ABCA6: variants seen among roughly 807,000 people sequenced by gnomAD.
The protein encoded by ABCA6 is ATP-binding cassette sub-family A member 6.
ABCA6 carries 164 observed loss-of-function variants against 191.2 expected under a neutral mutation model. That is an observed-to-expected ratio of 0.86 (90% CI 0.76 to 0.98). The LOEUF (loss-of-function observed/expected upper bound fraction) is 0.98. Ranked by LOEUF, ABCA6 falls within the 50% of genes least tolerant of loss-of-function variation. The pLI is 0.00. For missense variants in ABCA6, 1,958 were observed against 1,894.1 expected (o/e 1.03, Z -0.63); for synonymous variants, 636 against 647.7 (o/e 0.98, Z 0.27).
Position 69,106,112 on chromosome 17 carries a change from A to G in ABCA6, c.2489T>C (p.Met830Thr), listed in dbSNP as rs754908845. 3 of 1,613,948 alleles carry G rather than the reference A, an allele frequency of 1.9e-6. No individual in the cohort carries two copies. The highest frequency in any genetic ancestry group is 2.5e-6 in the Non-Finnish European group (3 of 1,179,890). Residue 830 changes from methionine to threonine, a missense_variant, in exon 19 of 39, where the codon ATG becomes ACG. Met to Thr is a moderately conservative substitution (Grantham distance 81, BLOSUM62 -1). Transcript: ENST00000284425. ...FSEMQTAVSD[M>T]GLWRMQVFAM... The stretch of plus-strand genomic sequence containing the variant: ...AAAGACTTGCATTCTCCAGAGGCCC[A>G]TGTCACTCACAGCTGTCTGCATTTC...
chr17:69,141,640 T>C (rs1418951617), intron 1 of ABCA6, 105 bp downstream of exon 1: 2 of 152,066 alleles, frequency 1.3e-5, no homozygotes, highest in African/African-American at 4.8e-5. Context: ...CTTAGGTCTT[T>C]AACATAAAAC....
rs1598436948 is a variant in ABCA6, at chr17:69,080,987, C to T, written c.4696+79G>A. The T allele has an allele frequency of 1.4e-5, 13 of 898,550 alleles. No homozygotes were observed. The South Asian group carries it at 2.5e-4, about 17-fold the overall frequency. The allele number at this position is 898,550 out of a possible 1,614,324, so 55.7% of individuals were successfully genotyped here. A position where few individuals can be genotyped will look rare whatever the true frequency, so the allele number is the denominator to read the frequency against. ...ACAGCCCTATTTTAAAAAATTGTTA[C>T]ACAATTAGCTTCCATTAAATTATTA... On this transcript the variant is annotated intron_variant, in intron 37 of 38. Transcript: ENST00000284425.
At chr17:69,079,795 A>T (rs1325141983) in intron 37 of ABCA6, among the ~76,000 whole-genome samples, 2 of 152,254 alleles carry the variant, frequency 1.3e-5, no homozygotes, top group African/African-American at 4.8e-5. Flanking sequence ...TCAAGAAAAT[A>T]GACAAGTACT....
At position 69,113,597 on chromosome 17, in the gene ABCA6, C is replaced by T. The variant is rs372514761; in HGVS notation, c.1902+21G>A. On this transcript the variant is annotated intron_variant, in intron 14 of 38. Transcript: ENST00000284425. ...TGCAGACATTCGACCTGCTTCCTTC[C>T]CCATGCATAATCTCACTTACTTGAG... The T allele has an allele frequency of 1.3e-4, 206 of 1,612,576 alleles. 5 individuals carry two copies. Among genetic ancestry groups the T allele is most frequent in the South Asian group, 1.2e-3 (109 of 90,910 alleles).
rs143250552 is a variant in ABCA6 at position 69,130,748 on chromosome 17, C to A, written c.792-997G>T. Among the ~76,000 whole-genome samples, 7 of 152,322 alleles carry A rather than the reference C, an allele frequency of 4.6e-5. No homozygotes were observed. In the East Asian group the frequency reaches 1.4e-3, roughly 29 times the overall value. ...TGGAAGCAACTTAAAAGCCTCTGAT[C>A]AATCAAGTAACTCTATAAACACTGG... is the stretch of plus-strand genomic sequence containing the variant. On this transcript the variant is annotated intron_variant, in intron 6 of 38. Transcript: ENST00000284425.
chr17:69,093,176 T>C (rs964448241), intron 25 of ABCA6, among the ~76,000 whole-genome samples: 4 of 152,174 alleles, frequency 2.6e-5, no homozygotes, highest in Non-Finnish European at 4.4e-5. Context: ...TTTTTTCCTC[T>C]ATTGAAGTAG....
intron 2 of ABCA6, among the ~76,000 whole-genome samples, chr17:69,139,958 GA>G (rs2074003603): frequency 1.5e-5 from 2 of 131,464 alleles, no homozygotes; most frequent in Non-Finnish European, 3.2e-5. Flanking sequence ...GGGATGGGGG[GA>G]GGGGGGAGGG....
chr17:69,129,745 G>T lies in ABCA6; in HGVS notation c.798C>A (p.Ser266=), dbSNP rs1331915963. ...TGAAGCCAGCATAGATTAGACCCCAGGAGAGCCTAAATAAAGACAAAAAGT... is the reference window on the plus strand; with the variant it reads ...TGAAGCCAGCATAGATTAGACCCCATGAGAGCCTAAATAAAGACAAAAAGT... ...MGLQDSAFWL[S]WGLIYAGFIF... The change falls in exon 7 of 39, where the codon TCC becomes TCA. Residue 266 remains serine, a synonymous_variant. Transcript: ENST00000284425. 1 of 1,576,250 alleles carries T rather than the reference G, an allele frequency of 6.3e-7. No homozygotes were observed. The highest frequency in any genetic ancestry group is 2.2e-5 in the East Asian group (1 of 44,510).
At position 69,082,976 on chromosome 17, in the gene ABCA6, C is replaced by G. The variant is rs909477769; in HGVS notation, c.4513G>C (p.Gly1505Arg). The G allele has an allele frequency of 3.1e-6, 5 of 1,613,992 alleles. No homozygotes were observed. In the African/African-American group the frequency reaches 5.3e-5, roughly 17 times the overall value. ...GSIQHLKNKLGKDYILELKVK... is the reference protein window; with the variant it reads ...GSIQHLKNKLRKDYILELKVK... ...TTTAGCTCTAGAATGTAATCCTTGC[C>G]AAGTTTGTTTTTCAGGTGTTGGATG... Residue 1505 changes from glycine (G) to arginine (R), a missense_variant, in exon 36 of 39, where the codon GGC becomes CGC. Gly to Arg is a moderately radical substitution (Grantham distance 125). Transcript: ENST00000284425.
At chr17:69,086,373 C>T (rs1478428436) in intron 30 of ABCA6, among the ~76,000 whole-genome samples, 1 of 151,844 alleles carries the variant, frequency 6.6e-6, no homozygotes, top group Non-Finnish European at 1.5e-5. Context: ...AGAGACACAA[C>T]GTTTCCAAAT....
intron 12 of ABCA6, 38 bp downstream of exon 12, chr17:69,115,338 T>G (rs746864557): frequency 1.1e-5 from 16 of 1,481,756 alleles, no homozygotes; most frequent in African/African-American, 4.2e-5. Flanking sequence ...CATTCTATTA[T>G]AAGACATCTT....
chr17:69,137,006 A>G (rs2073959442), intron 3 of ABCA6, among the ~76,000 whole-genome samples: 1 of 152,304 alleles, frequency 6.6e-6, no homozygotes, highest in South Asian at 2.1e-4. Context: ...ATTTTCAATT[A>G]CTATATTCCT....
intron 10 of ABCA6, among the ~76,000 whole-genome samples, chr17:69,121,598 T>TGGGAGAAGAA (rs2073645153): frequency 1.3e-5 from 2 of 151,818 alleles, no homozygotes; most frequent in Admixed American, 1.3e-4. Flanking sequence ...AGTGGGGATG[T>TGGGAGAAGAA]GGGAGAAGAA....
chr17:69,124,692 T>C (rs148135420), intron 9 of ABCA6, among the ~76,000 whole-genome samples, 196 bp downstream of exon 9: 1 of 152,072 alleles, frequency 6.6e-6, no homozygotes, highest in African/African-American at 2.4e-5. Context: ...TATATTGCTA[T>C]AGTAAAGTCA....
chr17:69,082,136 C>T (rs950083650), intron 36 of ABCA6, among the ~76,000 whole-genome samples: 5 of 152,122 alleles, frequency 3.3e-5, no homozygotes, highest in South Asian at 4.1e-4. Context: ...TGACACCAAA[C>T]GTCTGGGAAT....
intron 17 of ABCA6, chr17:69,108,492 T>C (rs1385048611): frequency 6.6e-6 from 1 of 152,248 alleles, no homozygotes; most frequent in Non-Finnish European, 1.5e-5. Flanking sequence ...GTGTCTACTT[T>C]TCCCTATCTA....
chr17:69,088,297 T>A lies in ABCA6; in HGVS notation c.3607-39A>T, dbSNP rs1238168303. ...AATACAGTTATATTTAGGCATAAGTTCACAAATATTATTTAAATATTTGAA... is the reference window on the plus strand; with the variant it reads ...AATACAGTTATATTTAGGCATAAGTACACAAATATTATTTAAATATTTGAA... On this transcript the variant is annotated intron_variant, in intron 27 of 38. Coordinates refer to ENST00000284425, the MANE Select transcript of ABCA6 (RefSeq NM_080284.3). The A allele has an allele frequency of 4.2e-6, 6 of 1,415,094 alleles. No individual in the cohort carries two copies. In the African/African-American group the frequency reaches 5.9e-5, roughly 14 times the overall value. 87.7% of individuals were successfully genotyped at this position (1,415,094 alleles called of 1,614,324 possible). A position where few individuals can be genotyped will look rare whatever the true frequency, so the allele number is the denominator to read the frequency against.
chr17:69,097,516 G>C (rs942150016), intron 23 of ABCA6, among the ~76,000 whole-genome samples: 1 of 152,066 alleles, frequency 6.6e-6, no homozygotes, highest in Admixed American at 6.5e-5. Flanking sequence ...TGCTTTGTCT[G>C]AATAATGGGC....
At position 69,078,985 on chromosome 17, in the gene ABCA6, T is replaced by G; in HGVS notation, c.4842A>C (p.Ser1614=). The G allele has an allele frequency of 6.2e-7, 1 of 1,608,492 alleles. No homozygotes were observed. The highest frequency in any genetic ancestry group is 8.5e-7 in the Non-Finnish European group (1 of 1,177,950). ...TAGGTTTGAGGTTTTAAGGTTCATC[T>G]GAATGAGGGAGGAGTTTCCATCTCA... ...TTMRWKLLPH[S]DEP is the part of the protein sequence containing the mutation. The change falls in exon 39 of 39, where the codon TCA becomes TCC. Residue 1614 remains serine, a synonymous_variant. Transcript: ENST00000284425.
Sources: gnomAD v4.1 joint callset for allele counts (sites outside exome capture counted in the v4.1 genomes callset) on GRCh38, gnomAD v4.1.1 for gene constraint, MANE v1.5 for transcripts, NCBI Gene and HGNC (gene_info 2026-07-23, HGNC 2026-07-21) for gene names.